The following PTPDC1 variants were observed in gnomAD, a reference collection of about 807,000 sequenced individuals.
PTPDC1 encodes the protein protein tyrosine phosphatase domain containing 1, also known as protein tyrosine phosphatase domain-containing protein 1.
A neutral mutation model predicts 75.3 loss-of-function variants in PTPDC1; 53 were observed. The observed-to-expected ratio is 0.70, with a 90% CI of 0.56 to 0.88. PTPDC1 has a LOEUF of 0.88. PTPDC1 is among the 40% of genes least tolerant of loss of function. PTPDC1 has a pLI of 0.00. For missense variants in PTPDC1, 925 were observed against 998.6 expected, an observed-to-expected ratio of 0.93 and a Z score of 0.99; for synonymous variants, 349 against 366.2, an observed-to-expected ratio of 0.95 and a Z score of 0.54.
chr9:94,084,501 TC>T lies in PTPDC1; in HGVS notation c.-28del, dbSNP rs758556090. 5.4e-5 allele frequency: 87 copies of T among 1,605,128 alleles called. 1 individual carries two copies. The Admixed American group carries it at 1.5e-3, about 27-fold the overall frequency. On this transcript the variant is annotated 5_prime_UTR_variant, in exon 1 of 9. Transcript: ENST00000620992. ...TCACTGAGTGAGTGGGGCTGACTCT[TC>T]CTGCCTCCGGCTCTTGCCTCCCAGT...
intron 4 of PTPDC1, among the ~76,000 whole-genome samples, chr9:94,091,271 A>C (rs921860498): frequency 6.0e-4 from 91 of 152,260 alleles, no homozygotes; most frequent in African/African-American, 1.5e-3. Flanking sequence ...TGCCTAATTT[A>C]TTGAGAGTTT....
chr9:94,036,025 T>G lies in PTPDC1; in HGVS notation c.-7+4898T>G, dbSNP rs1050660328. Among the ~76,000 whole-genome samples, 8 of 142,728 alleles carry G rather than the reference T, an allele frequency of 5.6e-5. No homozygotes were observed. The South Asian group carries it at 8.8e-4, about 16-fold the overall frequency. 93.6% of individuals were successfully genotyped at this position (142,728 alleles called of 152,430 possible). ...GCCCATTTTTAATCGGATTATTTGT[T>G]TTTTTTTTTGTTTTTTTTTTGCTAC... On this transcript the variant is annotated intron_variant, in intron 1 of 9. Transcript: ENST00000375360.
chr9:94,045,740 A>G (rs12353106), intron 1 of PTPDC1, among the ~76,000 whole-genome samples: 24,967 of 151,964 alleles, frequency 0.16, 2,414 homozygotes, highest in East Asian at 0.28. Context: ...GATTCTGGAT[A>G]TTAGCCCTTT....
chr9:94,030,873 C>T (rs890276617), exon 1 of PTPDC1: 20 of 152,276 alleles, frequency 1.3e-4, no homozygotes, highest in Middle Eastern at 3.4e-3. Context: ...CAGGCGCTCG[C>T]CCCAGGACGT....
Position 94,095,316 on chromosome 9 carries a change from G to A in PTPDC1, c.617-1G>A. On this transcript the variant is annotated splice_acceptor_variant, in intron 4 of 8. Transcript: ENST00000620992. LOFTEE classifies it high-confidence loss of function. ...TTTCTTTTCCTTTTCTTTTTTCCTA[G>A]TTTACTTCTACAATTTCGGATGGAA... The A allele has an allele frequency of 1.3e-6, 2 of 1,594,502 alleles. No homozygotes were observed. Among genetic ancestry groups the A allele is most frequent in the Admixed American group, 3.6e-5 (2 of 55,144 alleles).
At chr9:94,081,477 A>G (rs1217726105), upstream of PTPDC1, among the ~76,000 whole-genome samples, 3 of 152,190 alleles carry the variant, frequency 2.0e-5, no homozygotes, top group Non-Finnish European at 2.9e-5. Context: ...GCAGTGAGCT[A>G]TGATCACGTC....
At chr9:94,053,979 A>G (rs1825859257) in intron 1 of PTPDC1, among the ~76,000 whole-genome samples, 1 of 152,224 alleles carries the variant, frequency 6.6e-6, no homozygotes, top group East Asian at 1.9e-4. Context: ...TGGTGGTGGC[A>G]GCTGCCTTTT....
At chr9:94,049,159 A>G (rs878941204) in intron 1 of PTPDC1, among the ~76,000 whole-genome samples, 1 of 151,982 alleles carries the variant, frequency 6.6e-6, no homozygotes, top group Non-Finnish European at 1.5e-5. Flanking sequence ...TCTTTATCCA[A>G]TTTGCCAGTC....
chr9:94,100,435 G>A (rs1414408558), intron 6 of PTPDC1: 1 of 152,222 alleles, frequency 6.6e-6, no homozygotes, highest in Non-Finnish European at 1.5e-5. Flanking sequence ...GGATATGAAG[G>A]ACTGTGAATA....
upstream of PTPDC1, among the ~76,000 whole-genome samples, chr9:94,084,056 T>C (rs1272811129): frequency 1.3e-5 from 2 of 152,238 alleles, no homozygotes; most frequent in Non-Finnish European, 2.9e-5. Flanking sequence ...TTAACTTTTT[T>C]CTGCACTATT....
At chr9:94,099,433 G>A (rs570698253) in intron 6 of PTPDC1, among the ~76,000 whole-genome samples, 1 of 151,972 alleles carries the variant, frequency 6.6e-6, no homozygotes, top group South Asian at 2.1e-4. Context: ...TTAATAGCTC[G>A]CTTTCATAGT....
At chr9:94,054,026 T>C (rs1358565174) in intron 1 of PTPDC1, among the ~76,000 whole-genome samples, 2 of 152,226 alleles carry the variant, frequency 1.3e-5, no homozygotes, top group Non-Finnish European at 1.5e-5. Context: ...CAACAAATAC[T>C]GAGTAGCACT....
intron 1 of PTPDC1, 91 bp from the exon 2 acceptor site, chr9:94,085,160 A>C (rs2070279870): frequency 8.6e-7 from 1 of 1,160,874 alleles, no homozygotes; most frequent in African/African-American, 1.5e-5. Flanking sequence ...CTTGTCATCT[A>C]CCATCCTGAG....
chr9:94,039,044 A>T (rs1177768009), intron 1 of PTPDC1, among the ~76,000 whole-genome samples: 2 of 152,228 alleles, frequency 1.3e-5, no homozygotes, highest in African/African-American at 4.8e-5. Context: ...CTAAGTTATA[A>T]TTTAGGATGG....
chr9:94,065,887 G>A (rs941907072), intron 2 of PTPDC1, among the ~76,000 whole-genome samples: 1 of 152,182 alleles, frequency 6.6e-6, no homozygotes, highest in African/African-American at 2.4e-5. Context: ...TAGATGTCTA[G>A]TGGCTGCTTC....
chr9:94,079,292 T>G (rs1587878432), intron 2 of PTPDC1, among the ~76,000 whole-genome samples: 1 of 151,136 alleles, frequency 6.6e-6, no homozygotes, highest in Non-Finnish European at 1.5e-5. Flanking sequence ...AAGACAGTGG[T>G]TTTTTTTTAG....
chr9:94,074,049 T>C (rs1396263501), intron 2 of PTPDC1, among the ~76,000 whole-genome samples: 1 of 152,244 alleles, frequency 6.6e-6, no homozygotes, highest in Non-Finnish European at 1.5e-5. Flanking sequence ...ATCTCCATTT[T>C]GATGTCTGTT....
chr9:94,105,972 CA>C (rs1175784474), intron 8 of PTPDC1, among the ~76,000 whole-genome samples: 113 of 130,118 alleles, frequency 8.7e-4, no homozygotes, highest in Admixed American at 6.9e-4. Flanking sequence ...GACTCCATCT[CA>C]AAAAAAAAAA....
rs996365283 is a variant in PTPDC1 at position 94,090,403 on chromosome 9, T to C, written c.616+2140T>C. Among the ~76,000 whole-genome samples the C allele has an allele frequency of 3.8e-4, 58 of 151,398 alleles. 1 individual carries two copies. The highest frequency in any genetic ancestry group is 1.3e-3 in the African/African-American group (55 of 41,146). The stretch of plus-strand genomic sequence containing the variant: ...TCAGATAGCTGTAGATATGTGGCGT[T>C]ATTTCTGAGGGCTCTGGTCTGTTCC... On this transcript the variant is annotated intron_variant, in intron 4 of 8. Transcript: ENST00000620992.
Sources: allele counts gnomAD v4.1 joint callset (sites outside exome capture counted in the v4.1 genomes callset), GRCh38; gene constraint gnomAD v4.1.1; transcripts MANE v1.5; gene names NCBI Gene and HGNC (gene_info 2026-07-23, HGNC 2026-07-21).